Variants in PCBP2 observed in about 807,000 individuals in gnomAD.
PCBP2 encodes the protein poly(rC) binding protein 2, also known as poly(rC)-binding protein 2.
Under a neutral mutation model 50.1 loss-of-function variants are expected in PCBP2, and 4 were observed. That is an observed-to-expected ratio of 0.08 (90% CI 0.04 to 0.18). The LOEUF (loss-of-function observed/expected upper bound fraction) is 0.18, where lower values mean the gene tolerates loss of function less well. Among genes scored for constraint, PCBP2 ranks in the 10% least tolerant of loss-of-function variants. The pLI is 1.00. For synonymous variants in PCBP2, 179 were observed against 168.0 expected (o/e 1.07, Z -0.51); for missense variants, 161 against 474.3 (o/e 0.34, Z 6.14).
At chr12:53,453,704 G>A (rs962032666) in intron 1 of PCBP2, among the ~76,000 whole-genome samples, 5 of 152,176 alleles carry the variant, frequency 3.3e-5, no homozygotes, top group African/African-American at 9.7e-5. Context: ...TCTACAACTT[G>A]GGAGAGGTCC....
At chr12:53,467,940 A>G (rs969215240) in intron 12 of PCBP2, 97 bp downstream of exon 12, 1 of 965,784 alleles carries the variant, frequency 1.0e-6, no homozygotes, top group African/African-American at 1.6e-5. Context: ...TACCAGCAAC[A>G]TGCACATGGC....
chr12:53,479,132 T>C (rs570890662), intron 14 of PCBP2, among the ~76,000 whole-genome samples: 9 of 152,282 alleles, frequency 5.9e-5, no homozygotes, highest in Admixed American at 5.9e-4. Flanking sequence ...CACTCCTTGG[T>C]TAGCCCACCA....
Position 53,454,319 on chromosome 12 carries a change from C to G in PCBP2, c.-75-407C>G, listed in dbSNP as rs192416637. ...TCTCTAGTTTTCAACTTAAACTGCT[C>G]CCCAGCAGGGAAACAAAAGGTCATT... On this transcript the variant is annotated intron_variant, in intron 1 of 14. Coordinates refer to ENST00000546463, the MANE Select transcript of PCBP2 (RefSeq NM_031989.5). The G allele has an allele frequency of 1.9e-3, 303 of 155,960 alleles. 1 individual carries two copies. The highest frequency in any genetic ancestry group is 1.8e-3 in the Non-Finnish European group (126 of 70,418). 9.7% of individuals were successfully genotyped at this position (155,960 alleles called of 1,614,324 possible).
chr12:53,470,846 T>C (rs1384459342), intron 13 of PCBP2, among the ~76,000 whole-genome samples: 1 of 151,382 alleles, frequency 6.6e-6, no homozygotes, highest in Non-Finnish European at 1.5e-5. Context: ...GTGGTAATCA[T>C]GGCAGGATGA....
intron 14 of PCBP2, among the ~76,000 whole-genome samples, chr12:53,474,225 C>T (rs1348607986): frequency 1.3e-5 from 2 of 152,050 alleles, no homozygotes; most frequent in Non-Finnish European, 2.9e-5. Flanking sequence ...CACCTCCCAC[C>T]AGAAAAGCTT....
chr12:53,463,099 C>A (rs760028955), intron 8 of PCBP2, among the ~76,000 whole-genome samples: 1 of 152,114 alleles, frequency 6.6e-6, no homozygotes, highest in Non-Finnish European at 1.5e-5. Context: ...ACCCACATGG[C>A]ATAACTGAAA....
At position 53,454,895 on chromosome 12, in the gene PCBP2, T is replaced by A. The variant is rs769330514; in HGVS notation, c.69+26T>A. The A allele has an allele frequency of 8.2e-6, 13 of 1,589,246 alleles. No individual in the cohort carries two copies. The South Asian group carries it at 1.1e-4, about 13-fold the overall frequency. On this transcript the variant is annotated intron_variant, in intron 2 of 14. Coordinates refer to ENST00000546463, the MANE Select transcript of PCBP2 (RefSeq NM_031989.5). ...GTATGCTCTAGCTTGGGAAATGGGG[T>A]CATAGTAACTGCTAGGGGAGGGGCC...
intron 14 of PCBP2, among the ~76,000 whole-genome samples, chr12:53,476,781 C>T: frequency 6.6e-6 from 1 of 152,288 alleles, no homozygotes; most frequent in South Asian, 2.1e-4. Flanking sequence ...ATTAGATGGC[C>T]AAACCTGTCC....
At chr12:53,460,774 G>C (rs1478436721) in intron 6 of PCBP2, 24 of 364,002 alleles carry the variant, frequency 6.6e-5, no homozygotes, top group Non-Finnish European at 2.6e-5. Flanking sequence ...TTGCTTGAGA[G>C]TAGGTTAAAT....
At chr12:53,459,521 AG>A (rs1242631094) in intron 6 of PCBP2, 118 bp downstream of exon 6, 2 of 778,992 alleles carry the variant, frequency 2.6e-6, no homozygotes, top group Non-Finnish European at 4.0e-6. Flanking sequence ...ACAGTTCTAG[AG>A]GATTACAATG....
In PCBP2 at chr12:53,476,995, A is replaced by G. The variant is rs1255689114; in HGVS notation, c.1053-2411A>G. ...ATTCCACATGTTTAAGGGTCTAGCTACCATCACTACCTCCAAAGGGCCTCA... is the reference window on the plus strand; with the variant it reads ...ATTCCACATGTTTAAGGGTCTAGCTGCCATCACTACCTCCAAAGGGCCTCA... On this transcript the variant is annotated intron_variant, in intron 14 of 14. Transcript: ENST00000546463. 3.9e-5 allele frequency among the ~76,000 whole-genome samples: 6 copies of G among 152,108 alleles called. No homozygotes were observed. The East Asian group carries it at 1.2e-3, about 29-fold the overall frequency.
chr12:53,453,095 T>C (rs954891107), intron 1 of PCBP2: 1 of 152,126 alleles, frequency 6.6e-6, no homozygotes, highest in African/African-American at 2.4e-5. Flanking sequence ...ACCTTTATCT[T>C]GACCTAGTCA....
At position 53,459,274 on chromosome 12, in the gene PCBP2, C is replaced by T; in HGVS notation, c.246C>T (p.Asp82=). ...FAMIIDKLEE[D]ISSSMTNSTA... is the part of the protein sequence containing the mutation. Reference sequence around the variant, plus strand: ...TGTGGTGTTCTTTCTTTCTGTAGGACATAAGCAGCTCTATGACCAATAGCA... The same window carrying T: ...TGTGGTGTTCTTTCTTTCTGTAGGATATAAGCAGCTCTATGACCAATAGCA... Residue 82 remains aspartate (D), a splice_region_variant and synonymous_variant, in exon 6 of 15, where the codon GAC becomes GAT. Transcript: ENST00000546463. The T allele has an allele frequency of 1.2e-6, 2 of 1,604,714 alleles. No homozygotes were observed. Among genetic ancestry groups the T allele is most frequent in the Non-Finnish European group, 1.7e-6 (2 of 1,175,260 alleles).
intron 13 of PCBP2, among the ~76,000 whole-genome samples, chr12:53,469,985 A>AT (rs983812356): frequency 6.6e-6 from 1 of 151,332 alleles, no homozygotes; most frequent in South Asian, 2.1e-4. Context: ...ACCTTACGTG[A>AT]TCCCCCCCCT....
chr12:53,454,660 A>T (rs1940855766), intron 1 of PCBP2, 66 bp from the exon 2 acceptor site: 3 of 665,808 alleles, frequency 4.5e-6, no homozygotes, highest in Non-Finnish European at 8.2e-6. Flanking sequence ...GATAAGGTGA[A>T]AATAACTTGG....
intron 13 of PCBP2, among the ~76,000 whole-genome samples, chr12:53,470,756 G>T (rs941294865): frequency 3.8e-4 from 52 of 138,308 alleles, no homozygotes; most frequent in African/African-American, 1.2e-3. Context: ...ATGTTAACCA[G>T]TTTTTTTTTT....
At chr12:53,477,074 G>A (rs576952251) in intron 14 of PCBP2, among the ~76,000 whole-genome samples, 4 of 152,004 alleles carry the variant, frequency 2.6e-5, no homozygotes, top group African/African-American at 9.7e-5. Flanking sequence ...TTATCCTAGA[G>A]TACCTGACTC....
In PCBP2 at chr12:53,472,009, G is replaced by C. The variant is rs558976010; in HGVS notation, c.1052+202G>C. ...GTAAGTTTTCAAGGGGTTGGTGGGG[G>C]GGGGAGCACAGATTGCCCGCATTTA... is the stretch of plus-strand genomic sequence containing the variant. On this transcript the variant is annotated intron_variant, in intron 14 of 14. Transcript: ENST00000546463. Among the ~76,000 whole-genome samples, 22 of 149,610 alleles carry C rather than the reference G, an allele frequency of 1.5e-4. 2 individuals carry two copies. The South Asian group carries it at 2.9e-3, about 20-fold the overall frequency.
chr12:53,468,474 T>C (rs1203831439), intron 12 of PCBP2: 10 of 393,230 alleles, frequency 2.5e-5, no homozygotes, highest in East Asian at 4.9e-5. Flanking sequence ...GTTTAGACAT[T>C]GGTCCTTTTT....
Sources: allele counts gnomAD v4.1 joint callset (sites outside exome capture counted in the v4.1 genomes callset), GRCh38; gene constraint gnomAD v4.1.1; transcripts MANE v1.5; gene names NCBI Gene and HGNC (gene_info 2026-07-23, HGNC 2026-07-21).